The following PCDHGA1 variants were observed in gnomAD, a reference collection of about 807,000 sequenced individuals.
PCDHGA1 encodes the protein protocadherin gamma subfamily A, 1, also known as protocadherin gamma-A1.
In PCDHGA1, 32 loss-of-function variants were observed where a neutral mutation model predicts 58.0. The observed-to-expected ratio is 0.55, with a 90% confidence interval of 0.42 to 0.74. PCDHGA1 has a LOEUF of 0.74. PCDHGA1 is among the 30% of genes least tolerant of loss of function. The pLI, the probability that PCDHGA1 is intolerant of heterozygous loss-of-function variation, is 0.00. For synonymous variants in PCDHGA1, 498 were observed against 501.1 expected, an observed-to-expected ratio of 0.99 and a Z score of 0.08; for missense variants, 1,205 against 1,182.3, an observed-to-expected ratio of 1.02 and a Z score of -0.28.
intron 1 of PCDHGA1, chr5:141,357,355 T>C: frequency 1.2e-6 from 2 of 1,614,154 alleles, no homozygotes; most frequent in Non-Finnish European, 1.7e-6. Context: ...GCTGAGACGC[T>C]GGCACAAGTC....
Position 141,332,022 on chromosome 5 carries a change from T to C in PCDHGA1, c.1338T>C (p.Asn446=). ...TTTCACTACTAGTGACAGATATCAA[T>C]GACAACTCCCCAGTCTTCCATCAGG... is the stretch of plus-strand genomic sequence containing the variant. ...THISLLVTDI[N]DNSPVFHQDS... Residue 446 remains asparagine, a synonymous_variant, in exon 1 of 4, where the codon AAT becomes AAC. Coordinates refer to ENST00000517417, the MANE Select transcript of PCDHGA1 (RefSeq NM_018912.3). The surrounding 1 kb of genome is among the most constrained non-coding windows in gnomAD (Gnocchi z 4.6). The C allele has an allele frequency of 6.2e-7, 1 of 1,614,158 alleles. No individual in the cohort carries two copies. The highest frequency in any genetic ancestry group is 2.2e-5 in the East Asian group (1 of 44,886).
At chr5:141,409,908 C>T (rs1255447661) in intron 1 of PCDHGA1, 1 of 1,613,204 alleles carries the variant, frequency 6.2e-7, no homozygotes, top group Non-Finnish European at 8.5e-7. Context: ...GCTCTGGGTC[C>T]TGACGGCTCC....
intron 1 of PCDHGA1, chr5:141,364,139 G>A: frequency 2.0e-6 from 1 of 499,708 alleles, no homozygotes; most frequent in Admixed American, 3.8e-5. Flanking sequence ...TGACCAAAGT[G>A]GGAAAGAAGC....
At chr5:141,392,760 A>C in intron 1 of PCDHGA1, 1 of 1,475,092 alleles carries the variant, frequency 6.8e-7, no homozygotes, top group Non-Finnish European at 9.0e-7. Context: ...GAAACTAAAT[A>C]AGACCCATTT....
At chr5:141,426,825 A>G (rs747894160) in intron 1 of PCDHGA1, 26 of 456,582 alleles carry the variant, frequency 5.7e-5, no homozygotes, top group Non-Finnish European at 9.3e-5. Context: ...CTCTCTGATG[A>G]TGGACAAGAC....
intron 1 of PCDHGA1, chr5:141,370,593 C>A (rs373364003): frequency 6.2e-6 from 10 of 1,613,710 alleles, no homozygotes; most frequent in South Asian, 2.2e-5. Flanking sequence ...TAGGAACCTG[C>A]GGGTTATTGC....
intron 2 of PCDHGA1, among the ~76,000 whole-genome samples, chr5:141,497,553 T>G (rs2099777684): frequency 6.6e-6 from 1 of 151,326 alleles, no homozygotes; most frequent in Non-Finnish European, 1.5e-5. Flanking sequence ...TTTTTTTTTT[T>G]TTTTTAGACA....
intron 1 of PCDHGA1, chr5:141,361,524 G>T (rs551885796): frequency 6.2e-7 from 1 of 1,614,056 alleles, no homozygotes; most frequent in South Asian, 1.1e-5. Context: ...ACGTGGCAGA[G>T]AACAATCCTC....
intron 1 of PCDHGA1, chr5:141,415,563 T>G: frequency 1.2e-6 from 2 of 1,614,168 alleles, no homozygotes; most frequent in Non-Finnish European, 1.7e-6. Flanking sequence ...ATCCTTTGTC[T>G]TTGTTAGATG....
In PCDHGA1 at chr5:141,486,269, G is replaced by T; in HGVS notation, c.2422-8538G>T. 6.2e-7 allele frequency: 1 copy of T among 1,613,996 alleles called. No homozygotes were observed. The highest frequency in any genetic ancestry group is 8.5e-7 in the Non-Finnish European group (1 of 1,179,956). On this transcript the variant is annotated intron_variant, in intron 1 of 3. Transcript: ENST00000517417. The surrounding 1 kb of genome is among the most constrained non-coding windows in gnomAD (Gnocchi z 5.0). ...AACCCTCCCCGAGAGTGCAGAACCT[G>T]GCACTGTGGTGGCACTTATCAGTGT...
chr5:141,505,294 G>A, intron 2 of PCDHGA1, 99 bp from the exon 3 acceptor site: 1 of 1,572,086 alleles, frequency 6.4e-7, no homozygotes, highest in Non-Finnish European at 8.6e-7. Flanking sequence ...GCATGGGGTA[G>A]GGTTAGGGTA....
chr5:141,383,984 T>C, intron 1 of PCDHGA1: 1 of 1,613,834 alleles, frequency 6.2e-7, no homozygotes, highest in African/African-American at 1.3e-5. Context: ...GACACACCTC[T>C]TGGGACAGTC....
chr5:141,414,435 C>T lies in PCDHGA1; in HGVS notation c.2422-80372C>T, dbSNP rs891322256. 4.3e-6 allele frequency: 7 copies of T among 1,613,678 alleles called. No homozygotes were observed. In the African/African-American group the frequency reaches 8.0e-5, roughly 18 times the overall value. On this transcript the variant is annotated intron_variant, in intron 1 of 3. Coordinates refer to ENST00000517417, the MANE Select transcript of PCDHGA1 (RefSeq NM_018912.3). ...GAGCCCTTGACAGGGAACAGGTATC[C>T]TCTTACAATATCACAGTGACAGCCA...
intron 1 of PCDHGA1, chr5:141,346,563 T>C (rs1488961936): frequency 9.6e-6 from 14 of 1,461,888 alleles, no homozygotes; most frequent in Non-Finnish European, 1.3e-5. Flanking sequence ...AGGTTGTCAT[T>C]AGTCCTTTGA....
At chr5:141,379,889 C>CT (rs70988800) in intron 1 of PCDHGA1, among the ~76,000 whole-genome samples, 813 of 50,762 alleles carry the variant, frequency 0.016, 203 homozygotes, top group Non-Finnish European at 0.022. Flanking sequence ...GTGAAAGCCT[C>CT]TTTTTTTTTT....
At position 141,431,211 on chromosome 5, in the gene PCDHGA1, G is replaced by C. The variant is rs1054638121; in HGVS notation, c.2422-63596G>C. Reference sequence around the variant, plus strand: ...AGTGAAAATGCAGCCACTGAGATGCGGTTCCCTCTACCCCACGCCTGGGAT... The same window carrying C: ...AGTGAAAATGCAGCCACTGAGATGCCGTTCCCTCTACCCCACGCCTGGGAT... On this transcript the variant is annotated intron_variant, in intron 1 of 3. Coordinates refer to ENST00000517417, the MANE Select transcript of PCDHGA1 (RefSeq NM_018912.3). This position sits in a 1 kb window ranked among gnomAD's most constrained non-coding sequence, Gnocchi z 4.8. 1.2e-6 allele frequency: 2 copies of C among 1,614,122 alleles called. No individual in the cohort carries two copies. Among genetic ancestry groups the C allele is most frequent in the Non-Finnish European group, 1.7e-6 (2 of 1,180,036 alleles).
rs768206517 is a variant in PCDHGA1, at chr5:141,432,482, G to A, written c.2422-62325G>A. 10 of 1,614,060 alleles carry A rather than the reference G, an allele frequency of 6.2e-6. No homozygotes were observed. The highest frequency in any genetic ancestry group is 1.3e-5 in the African/African-American group (1 of 74,946). On this transcript the variant is annotated intron_variant, in intron 1 of 3. Coordinates refer to ENST00000517417, the MANE Select transcript of PCDHGA1 (RefSeq NM_018912.3). The surrounding 1 kb of genome is among the most constrained non-coding windows in gnomAD (Gnocchi z 6.0). ...CCTCCCCACGGACGGTTCCACTGGC[G>A]TGGAGCTGGCTCCCCGCTCCGCAGA...
intron 1 of PCDHGA1, among the ~76,000 whole-genome samples, chr5:141,447,652 C>T (rs901761789): frequency 6.6e-6 from 1 of 151,972 alleles, no homozygotes; most frequent in African/African-American, 2.4e-5. Context: ...TAGAATTTTC[C>T]CCCCCAGGAA....
chr5:141,350,382 A>G (rs1758460204), intron 1 of PCDHGA1: 1 of 1,590,226 alleles, frequency 6.3e-7, no homozygotes, highest in African/African-American at 1.3e-5. Context: ...GAGCTAGCCA[A>G]CGGCTCACGG....
Sources: allele counts gnomAD v4.1 joint callset (sites outside exome capture counted in the v4.1 genomes callset), GRCh38; gene constraint gnomAD v4.1.1; non-coding constraint Gnocchi (gnomAD v3.1); transcripts MANE v1.5; gene names NCBI Gene and HGNC (gene_info 2026-07-23, HGNC 2026-07-21).